The following BRINP3 variants were observed in gnomAD, a reference collection of about 807,000 sequenced individuals.
The protein encoded by BRINP3 is BMP/retinoic acid-inducible neural-specific protein 3.
In BRINP3, 19 loss-of-function variants were observed where a neutral mutation model predicts 71.0. The observed-to-expected ratio is 0.27, with a 90% CI of 0.19 to 0.39. The LOEUF (loss-of-function observed/expected upper bound fraction) is 0.39. BRINP3 is among the 10% of genes least tolerant of loss of function. The pLI, the probability that BRINP3 is intolerant of heterozygous loss-of-function variation, is 1.00. For synonymous variants in BRINP3, 380 were observed against 337.7 expected (o/e 1.13, Z -1.37); for missense variants, 959 against 940.8 (o/e 1.02, Z -0.25).
At chr1:190,225,565 G>A (rs1657283917) in intron 6 of BRINP3, among the ~76,000 whole-genome samples, 1 of 151,852 alleles carries the variant, frequency 6.6e-6, no homozygotes, top group Non-Finnish European at 1.5e-5. Flanking sequence ...CGCAAAGATA[G>A]TAAATTTTAT....
At chr1:190,415,804 G>C (rs1472625928) in intron 2 of BRINP3, among the ~76,000 whole-genome samples, 2 of 152,180 alleles carry the variant, frequency 1.3e-5, no homozygotes, top group Non-Finnish European at 2.9e-5. Context: ...TCAGGAGGCT[G>C]AGGTGGGAGG....
chr1:190,148,431 A>C (rs2102412419), intron 7 of BRINP3, among the ~76,000 whole-genome samples: 1 of 151,652 alleles, frequency 6.6e-6, no homozygotes, highest in African/African-American at 2.4e-5. Context: ...ATCTCTACTA[A>C]AAATACAAAA....
chr1:190,464,146 T>TAA lies in BRINP3; in HGVS notation c.-50-9208_-50-9207dup, dbSNP rs869097577. Among the ~76,000 whole-genome samples, 437 of 149,514 alleles carry TAA rather than the reference T, an allele frequency of 2.9e-3. 1 individual carries two copies. Among genetic ancestry groups the TAA allele is most frequent in the African/African-American group, 0.01 (419 of 40,872 alleles). On this transcript the variant is annotated intron_variant, in intron 1 of 7. Transcript: ENST00000367462. ...ACGTCTTTCAAAAAGTGTTTTTTTTTAAAAAAAAAAGTAAACTAAAAGTTA... is the reference window on the plus strand; with the variant it reads ...ACGTCTTTCAAAAAGTGTTTTTTTTTAAAAAAAAAAAAGTAAACTAAAAGTTA...
rs554730886 is a variant in BRINP3 at position 190,234,435 on chromosome 1, C to T, written c.661G>A (p.Asp221Asn). 27 of 1,612,458 alleles carry T rather than the reference C, an allele frequency of 1.7e-5. No individual in the cohort carries two copies. The Admixed American group carries it at 3.2e-4, about 19-fold the overall frequency. The part of the protein sequence containing the change: ...RTGPLGCSNY[D>N]NLDSVSSVLV... Reference sequence around the variant, plus strand: ...ACAGAACTGACAGAATCTAGGTTGTCATAGTTACTGCAGCCAAGAGGACCA... The same window carrying T: ...ACAGAACTGACAGAATCTAGGTTGTTATAGTTACTGCAGCCAAGAGGACCA... The change falls in exon 5 of 8, where the codon GAC becomes AAC. Residue 221 changes from aspartate (D) to asparagine (N), a missense_variant. Transcript: ENST00000367462.
At chr1:190,373,388 T>TA (rs1029162748) in intron 2 of BRINP3, among the ~76,000 whole-genome samples, 4 of 151,110 alleles carry the variant, frequency 2.6e-5, no homozygotes, top group African/African-American at 9.7e-5. Context: ...ATACTTTGTC[T>TA]AAAAAAAATA....
intron 2 of BRINP3, among the ~76,000 whole-genome samples, chr1:190,379,952 C>T (rs145916934): frequency 0.018 from 2,292 of 130,960 alleles, 57 homozygotes; most frequent in African/African-American, 0.062. Flanking sequence ...GAGCTGAGAT[C>T]GTGCCATTGC....
intron 7 of BRINP3, among the ~76,000 whole-genome samples, chr1:190,148,596 A>AAAATAAATAAATAAAT (rs71123073): frequency 7.4e-6 from 1 of 134,928 alleles, no homozygotes; most frequent in Non-Finnish European, 1.6e-5. Context: ...ACTCTGTCAC[A>AAAATAAATAAATAAAT]AAATAAATAA....
At chr1:190,434,107 T>A (rs1020965960) in intron 2 of BRINP3, among the ~76,000 whole-genome samples, 8 of 151,968 alleles carry the variant, frequency 5.3e-5, no homozygotes, top group African/African-American at 1.9e-4. Flanking sequence ...TGGTTATTTA[T>A]TTATTTATTT....
intron 2 of BRINP3, among the ~76,000 whole-genome samples, chr1:190,401,221 C>T (rs960398240): frequency 2.6e-5 from 4 of 151,400 alleles, no homozygotes; most frequent in East Asian, 3.9e-4. Context: ...AGCTGGGCAT[C>T]GTGTTGGGCG....
chr1:190,273,271 G>A (rs956306892), intron 3 of BRINP3, among the ~76,000 whole-genome samples: 13 of 151,390 alleles, frequency 8.6e-5, no homozygotes, highest in East Asian at 1.9e-4. Flanking sequence ...AAATGATTGC[G>A]TTCAAAAGTC....
chr1:190,459,135 CA>C (rs113637584), intron 1 of BRINP3, among the ~76,000 whole-genome samples: 2,719 of 96,070 alleles, frequency 0.028, 39 homozygotes, highest in African/African-American at 0.059. Flanking sequence ...TTCTTTCTCA[CA>C]AAAAAAAAAA....
At chr1:190,125,535 T>A (rs1654019064) in intron 7 of BRINP3, among the ~76,000 whole-genome samples, 1 of 152,046 alleles carries the variant, frequency 6.6e-6, no homozygotes, top group African/African-American at 2.4e-5. Flanking sequence ...TTGAGATAGC[T>A]ATTCAGAATA....
chr1:190,265,041 T>C lies in BRINP3; in HGVS notation c.442A>G (p.Thr148Ala). The C allele has an allele frequency of 6.2e-7, 1 of 1,606,912 alleles. No homozygotes were observed. Among genetic ancestry groups the C allele is most frequent in the Non-Finnish European group, 8.5e-7 (1 of 1,177,638 alleles). Residue 148 changes from threonine (T) to alanine (A), a missense_variant, in exon 4 of 8, where the codon ACA becomes GCA. Physicochemically the swap from Thr to Ala is moderately conservative, Grantham distance 58 (BLOSUM62 0). Coordinates refer to ENST00000367462, the MANE Select transcript of BRINP3 (RefSeq NM_199051.3). ...AACTTCCGCTTGTCCACAAAAATTG[T>C]GAGTGACTCCTCTCCTGCATTAATA... The part of the protein sequence containing the change: ...SATLGGEESL[T>A]IFVDKRKLSK...
At chr1:190,424,550 A>C (rs1447966798) in intron 2 of BRINP3, among the ~76,000 whole-genome samples, 7 of 151,728 alleles carry the variant, frequency 4.6e-5, no homozygotes, top group Non-Finnish European at 1.0e-4. Flanking sequence ...GTAGTGGCTT[A>C]GTATAACATC....
At chr1:190,185,072 G>A (rs887678533) in intron 6 of BRINP3, among the ~76,000 whole-genome samples, 3 of 152,002 alleles carry the variant, frequency 2.0e-5, no homozygotes, top group Non-Finnish European at 4.4e-5. Flanking sequence ...GACACCAAAA[G>A]CTTGGGTAAC....
intron 3 of BRINP3, among the ~76,000 whole-genome samples, chr1:190,274,724 C>T (rs746544811): frequency 1.3e-5 from 2 of 151,440 alleles, no homozygotes; most frequent in Non-Finnish European, 3.0e-5. Context: ...GATAATCATC[C>T]TTCTTAAGCT....
chr1:190,267,295 T>C (rs1393575706), intron 3 of BRINP3, among the ~76,000 whole-genome samples: 1 of 152,112 alleles, frequency 6.6e-6, no homozygotes, highest in Non-Finnish European at 1.5e-5. Context: ...AAGAATATAG[T>C]ATGACTCACT....
chr1:190,341,399 T>C (rs892479929), intron 2 of BRINP3, among the ~76,000 whole-genome samples: 1 of 151,902 alleles, frequency 6.6e-6, no homozygotes, highest in East Asian at 1.9e-4. Context: ...ATATTTATCA[T>C]GTTTTATTTG....
At chr1:190,287,479 T>C (rs569347030) in intron 2 of BRINP3, among the ~76,000 whole-genome samples, 4 of 152,240 alleles carry the variant, frequency 2.6e-5, no homozygotes, top group Admixed American at 6.5e-5. Flanking sequence ...TTTTTTAAGC[T>C]TGGGAAAAAT....
Sources: allele counts gnomAD v4.1 joint callset (sites outside exome capture counted in the v4.1 genomes callset), GRCh38; gene constraint gnomAD v4.1.1; transcripts MANE v1.5; gene names NCBI Gene and HGNC (gene_info 2026-07-23, HGNC 2026-07-21).